OR14A16: variants seen among roughly 807,000 people sequenced by gnomAD.
OR14A16 encodes the protein olfactory receptor family 14 subfamily A member 16.
For synonymous variants in OR14A16, 135 were observed against 137.6 expected (o/e 0.98, Z 0.13); for missense variants, 341 against 366.5 (o/e 0.93, Z 0.57).
chr1:247,820,261 C>T (rs1167919437), intron 1 of OR14A16, among the ~76,000 whole-genome samples: 14 of 150,668 alleles, frequency 9.3e-5, no homozygotes. Context: ...AGTGTTCCTT[C>T]ATCTTCAATA....
chr1:247,822,059 C>A (rs957461675), intron 1 of OR14A16, among the ~76,000 whole-genome samples: 1 of 152,110 alleles, frequency 6.6e-6, no homozygotes, highest in African/African-American at 2.4e-5. Context: ...TCTTATATCA[C>A]AATTTATGTT....
intron 2 of OR14A16, among the ~76,000 whole-genome samples, chr1:247,818,551 C>T (rs2131514): frequency 0.84 from 127,599 of 152,170 alleles, 55,247 homozygotes; most frequent in East Asian, 1. Flanking sequence ...CTGTCATTTG[C>T]AACAACATGG....
intron 2 of OR14A16, among the ~76,000 whole-genome samples, chr1:247,816,859 C>T (rs1467610609): frequency 1.4e-4 from 6 of 41,452 alleles, no homozygotes; most frequent in Non-Finnish European, 6.4e-4. Context: ...TTTTCTCTTT[C>T]AAGCTTTTTT....
At chr1:247,819,565 A>G (rs1379608500) in intron 1 of OR14A16, among the ~76,000 whole-genome samples, 1 of 152,136 alleles carries the variant, frequency 6.6e-6, no homozygotes, top group Non-Finnish European at 1.5e-5. Flanking sequence ...CTTATTATCT[A>G]TTTATTTTAT....
At position 247,821,563 on chromosome 1, in the gene OR14A16, GTATAGC is replaced by G. The variant is rs755470163; in HGVS notation, c.-131+2384_-130-2387del. On this transcript the variant is annotated intron_variant, in intron 1 of 2. Coordinates refer to ENST00000641093, the MANE Select transcript of OR14A16 (RefSeq NM_001001966.2). Reference sequence around the variant, plus strand: ...TTGACTTAAAGTCTATCTTATGTAAGTATAGCTACCTCTGCTCTGTTTGATACCCAT... The same window carrying G: ...TTGACTTAAAGTCTATCTTATGTAAGTACCTCTGCTCTGTTTGATACCCAT... Among the ~76,000 whole-genome samples, 21 of 111,556 alleles carry G rather than the reference GTATAGC, an allele frequency of 1.9e-4. 4 individuals are homozygous for G. The highest frequency in any genetic ancestry group is 9.5e-5 in the Admixed American group (1 of 10,536). The allele number at this position is 111,556 out of a possible 152,430, so 73.2% of individuals were successfully genotyped here.
In OR14A16 at chr1:247,814,735, A is replaced by G. The variant is rs1162146678; in HGVS notation, c.*65T>C. The G allele has an allele frequency of 2.7e-6, 2 of 736,832 alleles. No homozygotes were observed. The highest frequency in any genetic ancestry group is 4.0e-6 in the Non-Finnish European group (2 of 506,228). The allele number at this position is 736,832 out of a possible 1,614,324, so 45.6% of individuals were successfully genotyped here. A position where few individuals can be genotyped will look rare whatever the true frequency, so the allele number is the denominator to read the frequency against. Reference sequence around the variant, plus strand: ...TTACTTTTAAGAATTAGAGATAAAAATGAAGAATTAATGTGTGTACATTAT... The same window carrying G: ...TTACTTTTAAGAATTAGAGATAAAAGTGAAGAATTAATGTGTGTACATTAT... On this transcript the variant is annotated 3_prime_UTR_variant, in exon 3 of 3. Coordinates refer to ENST00000641093, the MANE Select transcript of OR14A16 (RefSeq NM_001001966.2).
chr1:247,820,724 G>A (rs891433719), intron 1 of OR14A16, among the ~76,000 whole-genome samples: 1 of 151,926 alleles, frequency 6.6e-6, no homozygotes, highest in South Asian at 2.1e-4. Context: ...CCCAAGCGTG[G>A]TGGTGCATGC....
chr1:247,817,398 T>C (rs1303994185), intron 2 of OR14A16, among the ~76,000 whole-genome samples: 1 of 152,210 alleles, frequency 6.6e-6, no homozygotes, highest in Non-Finnish European at 1.5e-5. Flanking sequence ...AAAAATATTT[T>C]GAGTGGTTTT....
intron 1 of OR14A16, among the ~76,000 whole-genome samples, chr1:247,820,689 C>CGA (rs1553333097): frequency 0.31 from 21,923 of 71,026 alleles, 1,873 homozygotes; most frequent in Non-Finnish European, 0.43. Flanking sequence ...CTACTAAATA[C>CGA]AAAAAAAAAC....
At position 247,814,825 on chromosome 1, in the gene OR14A16, A is replaced by T; in HGVS notation, c.905T>A (p.Ile302Lys). The change falls in exon 3 of 3, where the codon ATA becomes AAA. Residue 302 changes from isoleucine (I) to lysine (K), a missense_variant. Transcript: ENST00000641093. ...KAIKVALGML[I>K]KGKLTKK The stretch of plus-strand genomic sequence containing the variant: ...TTACTTTTTGGTGAGCTTTCCCTTT[A>T]TCAACATCCCCAGAGCCACCTTTAT... 1.9e-6 allele frequency: 3 copies of T among 1,571,030 alleles called. No individual in the cohort carries two copies. The South Asian group carries it at 3.6e-5, about 19-fold the overall frequency.
intron 1 of OR14A16, among the ~76,000 whole-genome samples, chr1:247,819,619 A>T (rs759007103): frequency 2.6e-5 from 4 of 152,170 alleles, no homozygotes; most frequent in Non-Finnish European, 5.9e-5. Context: ...ATGAATGTAG[A>T]TAGTGAAATA....
intron 1 of OR14A16, among the ~76,000 whole-genome samples, chr1:247,820,577 C>G (rs1988906): frequency 0.89 from 135,353 of 152,026 alleles, 62,310 homozygotes; most frequent in East Asian, 1. Context: ...CCGGCACGGT[C>G]GTGCACACCT....
chr1:247,822,927 TA>T (rs1358952882), intron 1 of OR14A16, among the ~76,000 whole-genome samples: 2 of 152,330 alleles, frequency 1.3e-5, no homozygotes, highest in African/African-American at 4.8e-5. Flanking sequence ...AAGGGAAGCA[TA>T]TAAAATATTT....
At chr1:247,818,592 A>G (rs1572540585) in intron 2 of OR14A16, among the ~76,000 whole-genome samples, 1 of 152,218 alleles carries the variant, frequency 6.6e-6, no homozygotes. Context: ...GTTAAGTAAA[A>G]TAAGCCAGGC....
rs1459511974 is a variant in OR14A16, at chr1:247,815,200, CAGA to C, written c.527_529del (p.Phe176del). The C allele has an allele frequency of 1.2e-6, 2 of 1,612,274 alleles. No individual in the cohort carries two copies. The highest frequency in any genetic ancestry group is 2.2e-5 in the South Asian group (2 of 90,860). On this transcript the variant is annotated inframe_deletion, in exon 3 of 3. Coordinates refer to ENST00000641093, the MANE Select transcript of OR14A16 (RefSeq NM_001001966.2). The stretch of plus-strand genomic sequence containing the variant: ...AATAGCTAATAACTGGGGAATGTCA[CAGA>C]AGAACTGATGGACCATGTTGGACCC...
At position 247,815,282 on chromosome 1, in the gene OR14A16, C is replaced by T. The variant is rs1662589176; in HGVS notation, c.448G>A (p.Gly150Arg). 2.5e-6 allele frequency: 4 copies of T among 1,614,110 alleles called. No individual in the cohort carries two copies. In the East Asian group the frequency reaches 8.9e-5, roughly 36 times the overall value. Residue 150 changes from glycine (G) to arginine (R), a missense_variant, in exon 3 of 3, where the codon GGG becomes AGG. Physicochemically the swap from Gly to Arg is moderately radical, Grantham distance 125. Coordinates refer to ENST00000641093, the MANE Select transcript of OR14A16 (RefSeq NM_001001966.2). ...GTGTGCATCACAGCAATCAGACCCC[C>T]ATACAGCCAAGACACAGTGGCTCTT... ...VQRATVSWLY[G>R]GLIAVMHTAG...
In OR14A16 at chr1:247,815,293, G is replaced by A. The variant is rs1313844568; in HGVS notation, c.437C>T (p.Ser146Phe). 6.2e-7 allele frequency: 1 copy of A among 1,614,038 alleles called. No homozygotes were observed. Among genetic ancestry groups the A allele is most frequent in the Non-Finnish European group, 8.5e-7 (1 of 1,179,886 alleles). ...RSTCVQRATV[S>F]WLYGGLIAVM... ...AGCAATCAGACCCCCATACAGCCAAGACACAGTGGCTCTTTGGACACAGGT... is the reference window on the plus strand; with the variant it reads ...AGCAATCAGACCCCCATACAGCCAAAACACAGTGGCTCTTTGGACACAGGT... The change falls in exon 3 of 3, where the codon TCT (serine) becomes TTT (phenylalanine). Residue 146 changes from serine to phenylalanine, a missense_variant. Physicochemically the swap from Ser to Phe is radical, Grantham distance 155 (BLOSUM62 -2). Transcript: ENST00000641093.
chr1:247,815,204 A>G lies in OR14A16; in HGVS notation c.526T>C (p.Phe176Leu), dbSNP rs771054740. The change falls in exon 3 of 3, where the codon TTC becomes CTC. Residue 176 changes from phenylalanine (F) to leucine (L), a missense_variant. Physicochemically the swap from Phe to Leu is conservative, Grantham distance 22. Coordinates refer to ENST00000641093, the MANE Select transcript of OR14A16 (RefSeq NM_001001966.2). ...YCGSNMVHQF[F>L]CDIPQLLAIS... is the part of the protein sequence containing the mutation. Reference sequence around the variant, plus strand: ...GCTAATAACTGGGGAATGTCACAGAAGAACTGATGGACCATGTTGGACCCA... The same window carrying G: ...GCTAATAACTGGGGAATGTCACAGAGGAACTGATGGACCATGTTGGACCCA... 1.6e-5 allele frequency: 26 copies of G among 1,611,272 alleles called. No homozygotes were observed. The highest frequency in any genetic ancestry group is 2.2e-5 in the Non-Finnish European group (26 of 1,179,228).
Position 247,815,180 on chromosome 1 carries a change from C to A in OR14A16, c.550G>T (p.Ala184Ser). Residue 184 changes from alanine to serine, a missense_variant, in exon 3 of 3, where the codon GCT becomes TCT. Physicochemically the swap from Ala to Ser is moderately conservative, Grantham distance 99. Coordinates refer to ENST00000641093, the MANE Select transcript of OR14A16 (RefSeq NM_001001966.2). ...ATTAAATTTTCTGAGCAAGAAATAG[C>A]TAATAACTGGGGAATGTCACAGAAG... ...QFFCDIPQLL[A>S]ISCSENLIRE... is the part of the protein sequence containing the mutation. 1 of 1,613,698 alleles carries A rather than the reference C, an allele frequency of 6.2e-7. No individual in the cohort carries two copies. Among genetic ancestry groups the A allele is most frequent in the Non-Finnish European group, 8.5e-7 (1 of 1,179,730 alleles).
Sources: gnomAD v4.1 joint callset for allele counts (sites outside exome capture counted in the v4.1 genomes callset) on GRCh38, gnomAD v4.1.1 for gene constraint, MANE v1.5 for transcripts, NCBI Gene and HGNC (gene_info 2026-07-23, HGNC 2026-07-21) for gene names.